PDE8B: variants seen among roughly 807,000 people sequenced by gnomAD.
PDE8B encodes phosphodiesterase 8B, also known as high affinity cAMP-specific and IBMX-insensitive 3',5'-cyclic phosphodiesterase 8B.
Under a neutral mutation model 101.3 loss-of-function variants are expected in PDE8B, and 26 were observed. The observed-to-expected ratio is 0.26, with a 90% CI of 0.19 to 0.36. The LOEUF is 0.36. Among genes scored for constraint, PDE8B ranks in the 10% least tolerant of loss-of-function variants. The pLI is 1.00. For missense variants in PDE8B, 810 were observed against 1,163.1 expected, an observed-to-expected ratio of 0.70 and a Z score of 4.42; for synonymous variants, 424 against 429.3, an observed-to-expected ratio of 0.99 and a Z score of 0.15.
At chr5:77,366,213 T>G (rs1401820273) in intron 10 of PDE8B, among the ~76,000 whole-genome samples, 5 of 152,180 alleles carry the variant, frequency 3.3e-5, no homozygotes, top group African/African-American at 1.2e-4. Flanking sequence ...CAACATCCTT[T>G]AGGCTATGAG....
At chr5:77,355,959 G>C (rs1224534141) in intron 10 of PDE8B, among the ~76,000 whole-genome samples, 1 of 152,234 alleles carries the variant, frequency 6.6e-6, no homozygotes, top group Non-Finnish European at 1.5e-5. Context: ...ACACTCTCTA[G>C]TGTGTTGCAC....
chr5:77,233,480 A>G (rs1423993165), intron 1 of PDE8B, among the ~76,000 whole-genome samples: 1 of 152,164 alleles, frequency 6.6e-6, no homozygotes, highest in African/African-American at 2.4e-5. Context: ...TAAGATATCA[A>G]TGGATGCTGC....
At chr5:77,399,702 TTGATAA>T (rs925984472) in intron 10 of PDE8B, among the ~76,000 whole-genome samples, 2 of 152,256 alleles carry the variant, frequency 1.3e-5, no homozygotes, top group Admixed American at 6.5e-5. Context: ...ACAAAAAAAA[TTGATAA>T]TGAGAAAGAA....
intron 2 of PDE8B, among the ~76,000 whole-genome samples, chr5:77,312,946 G>A (rs186349515): frequency 1.1e-3 from 175 of 152,340 alleles, no homozygotes; most frequent in Admixed American, 3.1e-3. Flanking sequence ...CAGCAACTAT[G>A]TCCTCCTTGC....
At chr5:77,241,649 A>G (rs958255104) in intron 1 of PDE8B, among the ~76,000 whole-genome samples, 1 of 152,152 alleles carries the variant, frequency 6.6e-6, no homozygotes, top group African/African-American at 2.4e-5. Context: ...TGATGAGGCC[A>G]AGTCTGGGTG....
At chr5:77,116,224 A>ATATATATATATATATATATTTTTT in the PDE8B span, among the ~76,000 whole-genome samples, 1 of 59,610 alleles carries the variant, frequency 1.7e-5, no homozygotes, top group African/African-American at 7.2e-5. Context: ...ATATATATAT[A>ATATATATATATATATATATTTTTT]TTTTTTTTTT....
intron 1 of PDE8B, among the ~76,000 whole-genome samples, chr5:77,212,971 A>G (rs1243840682): frequency 6.6e-6 from 1 of 152,194 alleles, no homozygotes; most frequent in Non-Finnish European, 1.5e-5. Flanking sequence ...TTTGTTTTCT[A>G]GAATATCTAT....
intron 1 of PDE8B, among the ~76,000 whole-genome samples, chr5:77,281,536 C>T (rs1293886326): frequency 1.3e-5 from 2 of 152,162 alleles, no homozygotes; most frequent in East Asian, 3.9e-4. Flanking sequence ...ATTCTGTAGC[C>T]TACGGCCACC....
intron 1 of PDE8B, among the ~76,000 whole-genome samples, chr5:77,233,636 C>A (rs1205941462): frequency 1.3e-5 from 2 of 149,890 alleles, no homozygotes; most frequent in African/African-American, 4.9e-5. Context: ...ACCTGACAGC[C>A]CCCAACCCCC....
intron 10 of PDE8B, among the ~76,000 whole-genome samples, chr5:77,377,774 A>G (rs1181996557): frequency 6.6e-6 from 1 of 152,206 alleles, no homozygotes; most frequent in African/African-American, 2.4e-5. Flanking sequence ...TAGAATAAAA[A>G]GGCAGTGGAA....
chr5:77,340,600 AGT>A (rs34764404), intron 6 of PDE8B, among the ~76,000 whole-genome samples: 35,083 of 139,736 alleles, frequency 0.25, 4,245 homozygotes, highest in South Asian at 0.36. Flanking sequence ...GCAGCCTCAC[AGT>A]GTGTGTGTGT....
intron 10 of PDE8B, among the ~76,000 whole-genome samples, chr5:77,386,475 T>C (rs1788652321): frequency 1.3e-5 from 2 of 152,206 alleles, no homozygotes. Flanking sequence ...GTTGGGTGTA[T>C]ATATAATTAG....
chr5:77,171,644 G>A, the PDE8B span, among the ~76,000 whole-genome samples: 1 of 152,206 alleles, frequency 6.6e-6, no homozygotes, highest in Non-Finnish European at 1.5e-5. Context: ...TCAGGAAACA[G>A]GTGAGGGCTT....
At chr5:77,377,874 C>T (rs572004985) in intron 10 of PDE8B, among the ~76,000 whole-genome samples, 29 of 152,238 alleles carry the variant, frequency 1.9e-4, no homozygotes, top group South Asian at 1.2e-3. Context: ...TTTCAGACTT[C>T]GGGACTTATG....
At chr5:77,324,587 G>A (rs1197013100) in intron 2 of PDE8B, among the ~76,000 whole-genome samples, 1 of 152,188 alleles carries the variant, frequency 6.6e-6, no homozygotes, top group Admixed American at 6.5e-5. Flanking sequence ...CAATGAGGCA[G>A]TTCATCAATA....
At chr5:77,218,658 G>A (rs1234428321) in intron 1 of PDE8B, among the ~76,000 whole-genome samples, 12 of 152,198 alleles carry the variant, frequency 7.9e-5, no homozygotes, top group Admixed American at 7.9e-4. Flanking sequence ...TTGAACTAGA[G>A]TGTTTTGAAG....
intron 1 of PDE8B, among the ~76,000 whole-genome samples, chr5:77,277,144 C>T (rs1466196019): frequency 1.3e-5 from 2 of 152,088 alleles, no homozygotes; most frequent in South Asian, 4.2e-4. Flanking sequence ...TGGTAGAACG[C>T]AGAAGGAGAT....
At chr5:77,200,348 A>G in the PDE8B span, among the ~76,000 whole-genome samples, 10 of 152,160 alleles carry the variant, frequency 6.6e-5, no homozygotes, top group Non-Finnish European at 8.8e-5. Flanking sequence ...TTGCAAATAA[A>G]AATTTGCTGG....
intron 4 of PDE8B, among the ~76,000 whole-genome samples, chr5:77,330,915 T>C (rs1046109532): frequency 1.3e-5 from 2 of 152,212 alleles, no homozygotes; most frequent in African/African-American, 4.8e-5. Context: ...CTTCTAACTG[T>C]GTGTTCCTGC....
Sources: gnomAD v4.1 joint callset for allele counts (sites outside exome capture counted in the v4.1 genomes callset) on GRCh38, gnomAD v4.1.1 for gene constraint, MANE v1.5 for transcripts, NCBI Gene and HGNC (gene_info 2026-07-23, HGNC 2026-07-21) for gene names.